The following PDE4D variants were observed in gnomAD, a reference collection of about 807,000 sequenced individuals.
PDE4D encodes the protein 3',5'-cyclic-AMP phosphodiesterase 4D.
Under a neutral mutation model 87.4 loss-of-function variants are expected in PDE4D, and 24 were observed. The ratio of observed to expected loss-of-function variants is 0.27; its 90% CI spans 0.20 to 0.39. The LOEUF (loss-of-function observed/expected upper bound fraction) is 0.39, where lower values mean the gene tolerates loss of function less well. Among genes scored for constraint, PDE4D ranks in the 10% least tolerant of loss-of-function variants. PDE4D has a pLI of 1.00. For missense variants in PDE4D, 714 were observed against 1,041.0 expected (o/e 0.69, Z 4.32); for synonymous variants, 384 against 383.2 (o/e 1.00, Z -0.02).
chr5:59,545,616 G>A (rs548600632), intron 1 of PDE4D, among the ~76,000 whole-genome samples: 1 of 152,214 alleles, frequency 6.6e-6, no homozygotes, highest in East Asian at 1.9e-4. Context: ...TGATATGTGG[G>A]CTTTTCACCT....
chr5:60,292,465 G>C (rs1232129763), intron 1 of PDE4D, among the ~76,000 whole-genome samples: 1 of 152,156 alleles, frequency 6.6e-6, no homozygotes, highest in Non-Finnish European at 1.5e-5. Context: ...AATCTTTATT[G>C]ATTAACTTGT....
At chr5:59,401,506 A>G (rs1385573280) in intron 1 of PDE4D, among the ~76,000 whole-genome samples, 3 of 135,434 alleles carry the variant, frequency 2.2e-5, no homozygotes, top group African/African-American at 8.2e-5. Context: ...CATGGGGGAG[A>G]TCACTCCTTT....
intron 1 of PDE4D, among the ~76,000 whole-genome samples, chr5:59,801,846 A>G (rs1003667265): frequency 6.6e-6 from 1 of 152,246 alleles, no homozygotes; most frequent in Non-Finnish European, 1.5e-5. Context: ...CAGACAGGAA[A>G]TGCAGAACTC....
At chr5:59,066,368 G>A (rs1219798288) in intron 5 of PDE4D, among the ~76,000 whole-genome samples, 1 of 152,076 alleles carries the variant, frequency 6.6e-6, no homozygotes, top group Non-Finnish European at 1.5e-5. Flanking sequence ...GAAGAGCAAG[G>A]GTGAAGTGCA....
chr5:59,937,449 C>T (rs996225102), intron 3 of PDE4D, among the ~76,000 whole-genome samples: 1 of 152,110 alleles, frequency 6.6e-6, no homozygotes, highest in African/African-American at 2.4e-5. Flanking sequence ...AGTTAAACAA[C>T]ATTTATTTTC....
At chr5:59,248,041 G>GCA (rs1561805685) in intron 1 of PDE4D, among the ~76,000 whole-genome samples, 2 of 47,836 alleles carry the variant, frequency 4.2e-5, no homozygotes, top group Non-Finnish European at 8.1e-5. Flanking sequence ...GTATCTATTA[G>GCA]TAAAAAAAAA....
intron 1 of PDE4D, chr5:60,460,415 G>T: frequency 8.2e-7 from 1 of 1,218,964 alleles, no homozygotes; most frequent in Admixed American, 1.7e-5. Flanking sequence ...TCCTCCTCCA[G>T]CAGGGCAGAC....
chr5:59,121,353 T>C (rs75039478), intron 5 of PDE4D, among the ~76,000 whole-genome samples: 3 of 152,054 alleles, frequency 2.0e-5, no homozygotes, highest in Non-Finnish European at 4.4e-5. Context: ...AACGTCTCAA[T>C]AGTAAAAAAG....
rs1046214471 is a variant in PDE4D at position 59,430,425 on chromosome 5, C to A, written c.456-214457G>T. On this transcript the variant is annotated intron_variant, in intron 1 of 14. Transcript: ENST00000340635. ...AGCTGCTTGGCAAACTCATTATATC[C>A]AAAAGGCAAGAAGTAAAAGCAAATC... is the stretch of plus-strand genomic sequence containing the variant. The A allele has an allele frequency of 3.2e-6, 4 of 1,230,942 alleles. No individual in the cohort carries two copies. In the African/African-American group the frequency reaches 6.2e-5, roughly 19 times the overall value. The allele number at this position is 1,230,942 out of a possible 1,614,324, so 76.3% of individuals were successfully genotyped here.
At chr5:59,218,169 G>A (rs564724643) in intron 1 of PDE4D, among the ~76,000 whole-genome samples, 2 of 152,258 alleles carry the variant, frequency 1.3e-5, no homozygotes, top group East Asian at 3.9e-4. Flanking sequence ...ACCTAGTAAT[G>A]TGAATGCCTG....
intron 1 of PDE4D, among the ~76,000 whole-genome samples, chr5:60,190,449 C>A (rs894722948): frequency 2.0e-5 from 3 of 152,174 alleles, no homozygotes; most frequent in African/African-American, 7.2e-5. Flanking sequence ...CTAAAGATGA[C>A]AATAGAGATT....
chr5:60,490,752 A>G (rs1749490035), upstream of PDE4D: 1 of 152,242 alleles, frequency 6.6e-6, no homozygotes, highest in African/African-American at 2.4e-5. Flanking sequence ...GATGATCCCA[A>G]TAAAAGAAAA....
chr5:59,548,093 T>A (rs920381949), intron 1 of PDE4D, among the ~76,000 whole-genome samples: 1 of 152,318 alleles, frequency 6.6e-6, no homozygotes, highest in South Asian at 2.1e-4. Context: ...TGAGAGGGCC[T>A]GCAGCAATCC....
chr5:59,555,956 A>T (rs1007383881), intron 1 of PDE4D, among the ~76,000 whole-genome samples: 1 of 151,920 alleles, frequency 6.6e-6, no homozygotes, highest in East Asian at 1.9e-4. Flanking sequence ...ACCTCAATTT[A>T]TTTGCTGGAA....
At chr5:60,229,715 A>T (rs1244399736) in intron 1 of PDE4D, among the ~76,000 whole-genome samples, 1 of 152,108 alleles carries the variant, frequency 6.6e-6, no homozygotes, top group African/African-American at 2.4e-5. Flanking sequence ...ACTATCATCA[A>T]AAGTAAATTC....
At chr5:59,134,792 T>C (rs1245711859) in intron 5 of PDE4D, among the ~76,000 whole-genome samples, 1 of 152,204 alleles carries the variant, frequency 6.6e-6, no homozygotes, top group African/African-American at 2.4e-5. Flanking sequence ...TCAACACCAA[T>C]GCTCCTGACT....
chr5:59,643,886 C>T (rs1229869322), intron 1 of PDE4D, among the ~76,000 whole-genome samples: 1 of 152,180 alleles, frequency 6.6e-6, no homozygotes, highest in Non-Finnish European at 1.5e-5. Context: ...ACTAATAATA[C>T]ATAAGGCCAT....
At chr5:59,554,666 C>T (rs1444917267) in intron 1 of PDE4D, among the ~76,000 whole-genome samples, 2 of 152,124 alleles carry the variant, frequency 1.3e-5, no homozygotes, top group East Asian at 1.9e-4. Context: ...GGGCAGGAAA[C>T]ACAATGAAAT....
intron 1 of PDE4D, among the ~76,000 whole-genome samples, chr5:59,447,039 G>A (rs991879823): frequency 6.6e-6 from 1 of 152,194 alleles, no homozygotes; most frequent in Non-Finnish European, 1.5e-5. Context: ...AACCTAATGA[G>A]GGTCAGACTG....
Sources: allele counts gnomAD v4.1 joint callset (sites outside exome capture counted in the v4.1 genomes callset), GRCh38; gene constraint gnomAD v4.1.1; transcripts MANE v1.5; gene names NCBI Gene and HGNC (gene_info 2026-07-23, HGNC 2026-07-21).